KDM2B: variants seen among roughly 807,000 people sequenced by gnomAD.
KDM2B encodes the protein lysine demethylase 2B.
KDM2B carries 26 observed loss-of-function variants against 150.0 expected under a neutral mutation model. The ratio of observed to expected loss-of-function variants is 0.17; its 90% CI spans 0.13 to 0.24. The LOEUF is 0.24. Ranked by LOEUF, KDM2B falls within the 10% of genes least tolerant of loss-of-function variation. The pLI, the probability that KDM2B is intolerant of heterozygous loss-of-function variation, is 1.00. For missense variants in KDM2B, 1,265 were observed against 1,816.9 expected (o/e 0.70, Z 5.52); for synonymous variants, 734 against 729.5 (o/e 1.01, Z -0.10).
intron 12 of KDM2B, among the ~76,000 whole-genome samples, chr12:121,454,311 A>AGG: frequency 2.0e-5 from 3 of 152,352 alleles, no homozygotes; most frequent in East Asian, 3.9e-4. Context: ...ATGGGATAGT[A>AGG]ACCTTTAGGT....
intron 19 of KDM2B, among the ~76,000 whole-genome samples, chr12:121,441,914 C>T (rs1048507787): frequency 4.6e-5 from 7 of 152,194 alleles, no homozygotes; most frequent in Non-Finnish European, 1.0e-4. Context: ...ACTAACTCTC[C>T]GAAGCCAAGG....
At position 121,560,104 on chromosome 12, in the gene KDM2B, A is replaced by G. The variant is rs547012582; in HGVS notation, c.398-10466T>C. On this transcript the variant is annotated intron_variant, in intron 4 of 22. Coordinates refer to ENST00000377071, the MANE Select transcript of KDM2B (RefSeq NM_032590.5). Reference sequence around the variant, plus strand: ...CCTGCAGCCTCGACCTGTTGGGCTCAAGCGATCCTCCGACCTCAGCCTCCC... The same window carrying G: ...CCTGCAGCCTCGACCTGTTGGGCTCGAGCGATCCTCCGACCTCAGCCTCCC... 2.0e-5 allele frequency among the ~76,000 whole-genome samples: 3 copies of G among 152,216 alleles called. No individual in the cohort carries two copies. In the East Asian group the frequency reaches 5.8e-4, roughly 29 times the overall value.
intron 13 of KDM2B, among the ~76,000 whole-genome samples, chr12:121,447,896 A>C (rs1319947804): frequency 3.9e-5 from 6 of 151,918 alleles, no homozygotes; most frequent in Admixed American, 3.3e-4. Flanking sequence ...ACCTCGAGTG[A>C]TCCTCCCACC....
At position 121,467,105 on chromosome 12, in the gene KDM2B, G is replaced by T; in HGVS notation, c.1735-13761C>A. 1 of 1,059,604 alleles carries T rather than the reference G, an allele frequency of 9.4e-7. No homozygotes were observed. The highest frequency in any genetic ancestry group is 1.2e-6 in the Non-Finnish European group (1 of 845,430). 65.6% of individuals were successfully genotyped at this position (1,059,604 alleles called of 1,614,324 possible). ...CCGCCCTCGGCGCGTCAGACAGGCG[G>T]TCGGGAGGTCGTGCGGCGGGTCCCT... On this transcript the variant is annotated intron_variant, in intron 12 of 22. Coordinates refer to ENST00000377071, the MANE Select transcript of KDM2B (RefSeq NM_032590.5). This position sits in a 1 kb window ranked among gnomAD's most constrained non-coding sequence, Gnocchi z 5.1.
the KDM2B span, among the ~76,000 whole-genome samples, chr12:121,410,157 A>G: frequency 3.3e-5 from 5 of 151,844 alleles, no homozygotes; most frequent in Non-Finnish European, 7.4e-5. Flanking sequence ...TCCGTCTCAA[A>G]AAAAAAGAAA....
chr12:121,507,992 C>A (rs571142750), intron 11 of KDM2B, among the ~76,000 whole-genome samples: 1 of 152,254 alleles, frequency 6.6e-6, no homozygotes, highest in Admixed American at 6.5e-5. Flanking sequence ...GCCTGTGCAA[C>A]AGAGTAACAC....
chr12:121,573,191 T>C (rs1891245290), intron 4 of KDM2B, among the ~76,000 whole-genome samples: 1 of 148,928 alleles, frequency 6.7e-6, no homozygotes, highest in East Asian at 2.0e-4. Flanking sequence ...ACTCCTGGCC[T>C]CAAGCAATCC....
chr12:121,561,260 C>G (rs1156458127), intron 4 of KDM2B, among the ~76,000 whole-genome samples: 1 of 152,170 alleles, frequency 6.6e-6, no homozygotes, highest in African/African-American at 2.4e-5. Flanking sequence ...ACCCCAAACT[C>G]CCCAGAGCCC....
chr12:121,430,480 G>GA lies in KDM2B; in HGVS notation c.3830-12dup. 6.2e-7 allele frequency: 1 copy of GA among 1,607,506 alleles called. No homozygotes were observed. The highest frequency in any genetic ancestry group is 8.5e-7 in the Non-Finnish European group (1 of 1,173,954). On this transcript the variant is annotated splice_polypyrimidine_tract_variant and intron_variant, in intron 22 of 22. Transcript: ENST00000377071. The surrounding 1 kb of genome is among the most constrained non-coding windows in gnomAD (Gnocchi z 4.4). ...TGACCTTATTGCAGTCTGCAGAGAA[G>GA]AAATAGTAATGTGAGGTGTGAAGGC...
chr12:121,511,592 G>A (rs1366263706), intron 10 of KDM2B, among the ~76,000 whole-genome samples: 1 of 152,182 alleles, frequency 6.6e-6, no homozygotes, highest in African/African-American at 2.4e-5. Flanking sequence ...GGTGGTGCTA[G>A]GATTACAGGC....
intron 12 of KDM2B, among the ~76,000 whole-genome samples, chr12:121,466,747 C>T (rs1555294872): frequency 1.3e-5 from 2 of 148,512 alleles, no homozygotes; most frequent in African/African-American, 2.4e-5. Flanking sequence ...CCGGCGCCCG[C>T]GGGGTCCGGG....
chr12:121,527,383 G>A (rs1467914725), intron 8 of KDM2B, among the ~76,000 whole-genome samples: 1 of 139,296 alleles, frequency 7.2e-6, no homozygotes, highest in Non-Finnish European at 1.5e-5. Flanking sequence ...TGGGGAGGCC[G>A]GGCACGGTGG....
chr12:121,555,395 CAG>C (rs1278220940), intron 4 of KDM2B, among the ~76,000 whole-genome samples: 79 of 152,178 alleles, frequency 5.2e-4, no homozygotes, highest in African/African-American at 1.9e-3. Flanking sequence ...TCTTTTGAGA[CAG>C]AGTCTCGCTC....
At chr12:121,478,866 T>TGTGTGTGTGTGTGTGTGTGTG (rs1881709324) in intron 12 of KDM2B, among the ~76,000 whole-genome samples, 1 of 131,132 alleles carries the variant, frequency 7.6e-6, no homozygotes, top group Non-Finnish European at 1.6e-5. Flanking sequence ...TTTTGTTTGT[T>TGTGTGTGTGTGTGTGTGTGTG]TGTGTGTGTG....
intron 22 of KDM2B, among the ~76,000 whole-genome samples, chr12:121,434,739 C>G (rs1555286359): frequency 6.6e-6 from 1 of 151,758 alleles, no homozygotes; most frequent in Non-Finnish European, 1.5e-5. Context: ...GGGTGGATCA[C>G]AAGGTCAGGA....
chr12:121,496,493 CTTTT>C (rs782450832), intron 11 of KDM2B, among the ~76,000 whole-genome samples: 17 of 121,464 alleles, frequency 1.4e-4, no homozygotes, highest in African/African-American at 5.5e-4. Context: ...GCTCATTGTC[CTTTT>C]TTTTTTTTTT....
the KDM2B span, among the ~76,000 whole-genome samples, chr12:121,413,324 G>T: frequency 6.6e-6 from 1 of 152,074 alleles, no homozygotes; most frequent in Non-Finnish European, 1.5e-5. Flanking sequence ...ACTGAGCCTG[G>T]CCAGATTTTC....
Position 121,442,701 on chromosome 12 carries a change from A to G in KDM2B, c.2740T>C (p.Ser914Pro). 6.3e-7 allele frequency: 1 copy of G among 1,589,508 alleles called. No homozygotes were observed. The highest frequency in any genetic ancestry group is 1.1e-5 in the South Asian group (1 of 88,668). Reference sequence around the variant, plus strand: ...TCGGTGCTGGGTCCCGCGGTGGGGGAGCTGGAGCGGGAGTGGTCGCTCTCC... The same window carrying G: ...TCGGTGCTGGGTCCCGCGGTGGGGGGGCTGGAGCGGGAGTGGTCGCTCTCC... ...TRESDHSRSSSPTAGPSTEGA... is the reference protein window; with the variant it reads ...TRESDHSRSSPPTAGPSTEGA... Residue 914 changes from serine to proline, a missense_variant, in exon 19 of 23, where the codon TCC becomes CCC. Ser to Pro is a moderately conservative substitution (Grantham distance 74). This residue lies in a region of KDM2B where 418 missense variants were observed against 402.4 expected (regional missense o/e 1.04). Coordinates refer to ENST00000377071, the MANE Select transcript of KDM2B (RefSeq NM_032590.5). The surrounding 1 kb of genome is among the most constrained non-coding windows in gnomAD (Gnocchi z 7.7).
intron 11 of KDM2B, among the ~76,000 whole-genome samples, chr12:121,501,843 G>A (rs1490499858): frequency 2.0e-5 from 3 of 152,030 alleles, no homozygotes; most frequent in Non-Finnish European, 2.9e-5. Context: ...GGCTGGTCTC[G>A]AACTCCTGAC....
Sources: allele counts gnomAD v4.1 joint callset (sites outside exome capture counted in the v4.1 genomes callset), GRCh38; gene constraint gnomAD v4.1.1; regional missense constraint gnomAD v4.1.1; non-coding constraint Gnocchi (gnomAD v3.1); transcripts MANE v1.5; gene names NCBI Gene and HGNC (gene_info 2026-07-23, HGNC 2026-07-21).